Variants in FRMD4B observed in about 807,000 individuals in gnomAD.
The protein encoded by FRMD4B is FERM domain containing 4B, also known as FERM domain-containing protein 4B.
Under a neutral mutation model 141.5 loss-of-function variants are expected in FRMD4B, and 74 were observed. The ratio of observed to expected loss-of-function variants is 0.52; its 90% CI spans 0.43 to 0.63. The LOEUF (loss-of-function observed/expected upper bound fraction) is 0.63, where lower values mean the gene tolerates loss of function less well. FRMD4B is among the 30% of genes least tolerant of loss of function. FRMD4B has a pLI of 0.00. For missense variants in FRMD4B, 1,366 were observed against 1,253.4 expected (o/e 1.09, Z -1.36); for synonymous variants, 506 against 467.9 (o/e 1.08, Z -1.05).
At chr3:69,189,156 A>G (rs1246549188) in intron 18 of FRMD4B, among the ~76,000 whole-genome samples, 1 of 136,030 alleles carries the variant, frequency 7.4e-6, no homozygotes, top group African/African-American at 2.7e-5. Context: ...TGGGAGGCAG[A>G]GGTTGCAGTG....
chr3:69,484,266 G>A (rs189346814), intron 1 of FRMD4B, among the ~76,000 whole-genome samples: 1 of 152,212 alleles, frequency 6.6e-6, no homozygotes, highest in African/African-American at 2.4e-5. Flanking sequence ...AAGATTGACT[G>A]CCCGGTCAGA....
chr3:69,337,001 T>C (rs1182215718), intron 1 of FRMD4B, among the ~76,000 whole-genome samples: 3 of 152,118 alleles, frequency 2.0e-5, no homozygotes, highest in Admixed American at 6.6e-5. Context: ...TAAATGTCCA[T>C]TAATGGTAGA....
intron 7 of FRMD4B, among the ~76,000 whole-genome samples, chr3:69,230,038 G>A (rs867513958): frequency 4.6e-5 from 7 of 151,226 alleles, no homozygotes; most frequent in South Asian, 2.1e-4. Context: ...GTGCAGTGGC[G>A]CAATGTTGGC....
At chr3:69,416,886 C>CT (rs910301233) in intron 2 of FRMD4B, among the ~76,000 whole-genome samples, 44 of 152,238 alleles carry the variant, frequency 2.9e-4, no homozygotes, top group African/African-American at 1.1e-3. Context: ...TGAACTCATT[C>CT]TTTTTTATGG....
intron 11 of FRMD4B, among the ~76,000 whole-genome samples, chr3:69,202,362 T>C (rs1018891513): frequency 6.6e-6 from 1 of 151,522 alleles, no homozygotes; most frequent in African/African-American, 2.4e-5. Flanking sequence ...ATGACATATA[T>C]GTGTGTGTGT....
At chr3:69,530,456 C>T (rs1195208437) in intron 1 of FRMD4B, among the ~76,000 whole-genome samples, 1 of 152,196 alleles carries the variant, frequency 6.6e-6, no homozygotes, top group African/African-American at 2.4e-5. Flanking sequence ...CACCAGTTCC[C>T]ATTCCCTTCT....
intron 5 of FRMD4B, among the ~76,000 whole-genome samples, chr3:69,260,894 ATCAGCACTCTGTGTCTAGCTCAG>A (rs2093522791): frequency 6.6e-6 from 1 of 152,222 alleles, no homozygotes; most frequent in South Asian, 2.1e-4. Flanking sequence ...AAATACACCA[ATCAGCACTCTGTGTCTAGCTCAG>A]GGACTGTAAT....
chr3:69,507,069 C>T (rs6549227), intron 1 of FRMD4B, among the ~76,000 whole-genome samples: 2 of 152,036 alleles, frequency 1.3e-5, no homozygotes, highest in Non-Finnish European at 2.9e-5. Context: ...GATGTGTATT[C>T]TGAAGCCCCA....
chr3:69,364,374 G>C (rs1420641654), intron 1 of FRMD4B, among the ~76,000 whole-genome samples: 1 of 152,214 alleles, frequency 6.6e-6, no homozygotes, highest in African/African-American at 2.4e-5. Context: ...GCTGGGACCT[G>C]CCATTTTGCC....
intron 11 of FRMD4B, among the ~76,000 whole-genome samples, chr3:69,214,866 A>T (rs1312301922): frequency 9.7e-6 from 1 of 102,578 alleles, no homozygotes; most frequent in Non-Finnish European, 2.0e-5. Context: ...CATCTCAAAA[A>T]ATAATAATAA....
intron 1 of FRMD4B, among the ~76,000 whole-genome samples, chr3:69,384,377 A>G (rs553608560): frequency 1.8e-4 from 28 of 152,320 alleles, no homozygotes; most frequent in African/African-American, 4.8e-4. Context: ...GTTGGCTACA[A>G]TATTTGCGTT....
chr3:69,373,802 G>T (rs1349491394), intron 1 of FRMD4B, among the ~76,000 whole-genome samples: 1 of 152,152 alleles, frequency 6.6e-6, no homozygotes, highest in Non-Finnish European at 1.5e-5. Context: ...GAACCCAGAA[G>T]CTTAACACTG....
At chr3:69,224,063 T>C (rs912382741) in intron 8 of FRMD4B, among the ~76,000 whole-genome samples, 33 of 152,140 alleles carry the variant, frequency 2.2e-4, no homozygotes, top group African/African-American at 7.0e-4. Context: ...CCAAGGAGAA[T>C]ATATTTAACA....
At chr3:69,408,432 C>T (rs542106235) in intron 2 of FRMD4B, among the ~76,000 whole-genome samples, 1 of 152,316 alleles carries the variant, frequency 6.6e-6, no homozygotes, top group Non-Finnish European at 1.5e-5. Flanking sequence ...CGCCAATTGA[C>T]GCTTTCTCCA....
At chr3:69,293,773 C>T (rs1700951341) in intron 4 of FRMD4B, among the ~76,000 whole-genome samples, 1 of 148,934 alleles carries the variant, frequency 6.7e-6, no homozygotes, top group Admixed American at 6.9e-5. Context: ...CCTAGCTACT[C>T]AGGAGGCTGA....
chr3:69,480,388 G>A (rs1338114452), intron 1 of FRMD4B, among the ~76,000 whole-genome samples: 1 of 152,142 alleles, frequency 6.6e-6, no homozygotes, highest in African/African-American at 2.4e-5. Flanking sequence ...GGTTTTTGGT[G>A]TGGATGTCCT....
At chr3:69,485,290 C>T (rs992014710) in intron 1 of FRMD4B, among the ~76,000 whole-genome samples, 1 of 152,214 alleles carries the variant, frequency 6.6e-6, no homozygotes, top group Admixed American at 6.5e-5. Context: ...GGAACAGGCA[C>T]CGCAGAGCCT....
intron 11 of FRMD4B, among the ~76,000 whole-genome samples, chr3:69,213,661 A>ATTTTTTTTTTTTTTTTTTTTTTTTTTG (rs11322872): frequency 7.6e-6 from 1 of 132,410 alleles, no homozygotes; most frequent in Non-Finnish European, 1.6e-5. Flanking sequence ...GTTTTCATTG[A>ATTTTTTTTTTTTTTTTTTTTTTTTTTG]TTTTTTTTTT....
chr3:69,490,410 T>C (rs1198107152), intron 1 of FRMD4B, among the ~76,000 whole-genome samples: 1 of 152,194 alleles, frequency 6.6e-6, no homozygotes, highest in East Asian at 1.9e-4. Flanking sequence ...CAAACTTGCT[T>C]CTCTTATCTT....
Sources: gnomAD v4.1 joint callset for allele counts (sites outside exome capture counted in the v4.1 genomes callset) on GRCh38, gnomAD v4.1.1 for gene constraint, MANE v1.5 for transcripts, NCBI Gene and HGNC (gene_info 2026-07-23, HGNC 2026-07-21) for gene names.